Variants in EDIL3 observed in about 807,000 individuals in gnomAD.
EDIL3 encodes EGF-like repeat and discoidin I-like domain-containing protein 3.
EDIL3 carries 37 observed loss-of-function variants against 67.4 expected under a neutral mutation model. The observed-to-expected ratio is 0.55, with a 90% confidence interval of 0.42 to 0.72. The LOEUF is 0.72. Among genes scored for constraint, EDIL3 ranks in the 30% least tolerant of loss-of-function variants. The pLI, the probability that EDIL3 is intolerant of heterozygous loss-of-function variation, is 0.00. For synonymous variants in EDIL3, 195 were observed against 196.3 expected (o/e 0.99, Z 0.05); for missense variants, 527 against 586.3 (o/e 0.90, Z 1.04).
intron 4 of EDIL3, among the ~76,000 whole-genome samples, chr5:84,153,944 A>G (rs899181411): frequency 2.0e-5 from 3 of 152,114 alleles, no homozygotes; most frequent in Non-Finnish European, 2.9e-5. Context: ...TGGTGTCAAG[A>G]GATCTAGAGT....
At chr5:84,325,657 G>C (rs985886925) in intron 1 of EDIL3, among the ~76,000 whole-genome samples, 3 of 151,912 alleles carry the variant, frequency 2.0e-5, no homozygotes, top group African/African-American at 7.2e-5. Flanking sequence ...AAATATTGAA[G>C]GCAGTTTCTC....
chr5:84,141,582 G>C (rs1167445752), intron 4 of EDIL3, among the ~76,000 whole-genome samples: 5 of 148,280 alleles, frequency 3.4e-5, no homozygotes, highest in Admixed American at 6.8e-5. Flanking sequence ...GAAGAAGAAA[G>C]AAGGAGAAGA....
chr5:84,043,275 CAG>C (rs1397768951), intron 9 of EDIL3, among the ~76,000 whole-genome samples: 3 of 152,132 alleles, frequency 2.0e-5, no homozygotes, highest in African/African-American at 7.2e-5. Flanking sequence ...TTATTCATGA[CAG>C]GGGTCGACTA....
intron 4 of EDIL3, among the ~76,000 whole-genome samples, chr5:84,164,059 A>T (rs1476955299): frequency 1.3e-5 from 2 of 152,102 alleles, no homozygotes; most frequent in Non-Finnish European, 2.9e-5. Flanking sequence ...CTGTGCTATG[A>T]TTTTCTCATC....
intron 6 of EDIL3, among the ~76,000 whole-genome samples, chr5:84,078,013 G>C (rs1746894257): frequency 6.6e-6 from 1 of 152,076 alleles, no homozygotes; most frequent in Non-Finnish European, 1.5e-5. Flanking sequence ...ACAGCCAACA[G>C]AATGGCAAAA....
rs903275498 is a variant in EDIL3, at chr5:83,940,769, A to G, written c.*2650T>C. The G allele has an allele frequency of 1.3e-5, 2 of 152,008 alleles. No homozygotes were observed. The highest frequency in any genetic ancestry group is 4.8e-5 in the African/African-American group (2 of 41,440). 9.4% of individuals were successfully genotyped at this position (152,008 alleles called of 1,614,324 possible). On this transcript the variant is annotated 3_prime_UTR_variant, in exon 11 of 11. Coordinates refer to ENST00000296591, the MANE Select transcript of EDIL3 (RefSeq NM_005711.5). ...TAGTTATTTCTGCACTTAATGACACATCAGACGCATTGAGTATATTTCATA... is the reference window on the plus strand; with the variant it reads ...TAGTTATTTCTGCACTTAATGACACGTCAGACGCATTGAGTATATTTCATA...
chr5:84,054,674 C>T (rs1304885521), intron 9 of EDIL3, among the ~76,000 whole-genome samples: 1 of 152,010 alleles, frequency 6.6e-6, no homozygotes, highest in Non-Finnish European at 1.5e-5. Context: ...AACAGACAAA[C>T]AGAGAGCCAA....
chr5:84,181,517 C>T (rs893219814), intron 3 of EDIL3, among the ~76,000 whole-genome samples: 1 of 152,150 alleles, frequency 6.6e-6, no homozygotes, highest in African/African-American at 2.4e-5. Context: ...TTTTCTATGC[C>T]ATGTTCTCTC....
At chr5:84,203,010 G>A (rs375794729) in intron 3 of EDIL3, among the ~76,000 whole-genome samples, 17 of 152,154 alleles carry the variant, frequency 1.1e-4, no homozygotes, top group African/African-American at 3.6e-4. Flanking sequence ...TCAGGGGGCA[G>A]GCAAAAGAAA....
Position 84,123,141 on chromosome 5 carries a change from T to C in EDIL3, c.469+14100A>G, listed in dbSNP as rs116419804. 8.6e-3 allele frequency among the ~76,000 whole-genome samples: 1,305 copies of C among 152,050 alleles called. 21 individuals carry two copies. The highest frequency in any genetic ancestry group is 0.03 in the African/African-American group (1,236 of 41,532). The stretch of plus-strand genomic sequence containing the variant: ...ACAGCATAGTGCATTTTTCTCTGTT[T>C]AAGAAAATGCCTCAGGATAAATTGT... On this transcript the variant is annotated intron_variant, in intron 5 of 10. Transcript: ENST00000296591.
intron 4 of EDIL3, among the ~76,000 whole-genome samples, chr5:84,146,134 A>G (rs1353387260): frequency 6.6e-6 from 1 of 152,150 alleles, no homozygotes; most frequent in Non-Finnish European, 1.5e-5. Flanking sequence ...TTAATGGATA[A>G]CAATTAGCAC....
chr5:84,299,672 T>C (rs1049006551), intron 1 of EDIL3, among the ~76,000 whole-genome samples: 3 of 152,244 alleles, frequency 2.0e-5, no homozygotes, highest in Admixed American at 6.5e-5. Flanking sequence ...GATCTAGTTT[T>C]CATATGTACA....
chr5:84,302,141 T>C (rs1008056162), intron 1 of EDIL3, among the ~76,000 whole-genome samples: 3 of 152,200 alleles, frequency 2.0e-5, no homozygotes, highest in Non-Finnish European at 4.4e-5. Context: ...TTACTGGTAA[T>C]GCCTTGAGAA....
chr5:84,251,973 C>G (rs1290539967), intron 2 of EDIL3, among the ~76,000 whole-genome samples: 1 of 152,000 alleles, frequency 6.6e-6, no homozygotes, highest in African/African-American at 2.4e-5. Flanking sequence ...GTATAACTAT[C>G]CAATTTCTGA....
At chr5:83,974,695 A>G (rs1473692240) in intron 9 of EDIL3, among the ~76,000 whole-genome samples, 1 of 152,032 alleles carries the variant, frequency 6.6e-6, no homozygotes, top group Non-Finnish European at 1.5e-5. Flanking sequence ...GAGCCTCATT[A>G]AAAGTCATGA....
At chr5:83,951,090 C>G (rs964128958) in intron 10 of EDIL3, among the ~76,000 whole-genome samples, 4 of 151,716 alleles carry the variant, frequency 2.6e-5, no homozygotes, top group Non-Finnish European at 5.9e-5. Context: ...TTTCAAACTG[C>G]TTATTTAACT....
intron 1 of EDIL3, among the ~76,000 whole-genome samples, chr5:84,320,179 C>T (rs543547105): frequency 3.9e-5 from 6 of 151,976 alleles, no homozygotes; most frequent in African/African-American, 1.2e-4. Context: ...CACACCCCTC[C>T]CCCAAAAAAA....
chr5:84,183,405 A>AT (rs1561455996), intron 3 of EDIL3, among the ~76,000 whole-genome samples: 1 of 152,128 alleles, frequency 6.6e-6, no homozygotes, highest in Non-Finnish European at 1.5e-5. Flanking sequence ...AAAATGATAG[A>AT]TTTTGAAACT....
chr5:84,250,675 A>T (rs1745008608), intron 2 of EDIL3, among the ~76,000 whole-genome samples: 1 of 152,224 alleles, frequency 6.6e-6, no homozygotes, highest in Non-Finnish European at 1.5e-5. Context: ...TCTCCTTTCC[A>T]GATGAACTGC....
Sources: allele counts gnomAD v4.1 joint callset (sites outside exome capture counted in the v4.1 genomes callset), GRCh38; gene constraint gnomAD v4.1.1; transcripts MANE v1.5; gene names NCBI Gene and HGNC (gene_info 2026-07-23, HGNC 2026-07-21).